Variants in ACSS2 observed in about 807,000 individuals in gnomAD.
ACSS2 encodes the protein acetyl-coenzyme A synthetase, cytoplasmic.
In ACSS2, 58 loss-of-function variants were observed where a neutral mutation model predicts 90.6. The observed-to-expected ratio is 0.64, with a 90% CI of 0.52 to 0.80. The LOEUF is 0.80. ACSS2 is among the 30% of genes least tolerant of loss of function. The probability of loss-of-function intolerance (pLI) is 0.00; values close to 1 mark genes in which losing one functional copy is unlikely to be tolerated. For synonymous variants in ACSS2, 300 were observed against 330.9 expected (o/e 0.91, Z 1.01); for missense variants, 759 against 912.0 (o/e 0.83, Z 2.16).
chr20:34,913,909 C>G, intron 5 of ACSS2, 84 bp downstream of exon 5: 1 of 1,462,590 alleles, frequency 6.8e-7, no homozygotes, highest in Admixed American at 1.7e-5. Context: ...TTTGGGGCTA[C>G]TCAGCATAGA....
At chr20:34,883,055 G>A in intron 2 of ACSS2, 66 bp downstream of exon 2, 1 of 1,277,916 alleles carries the variant, frequency 7.8e-7, no homozygotes, top group Non-Finnish European at 1.1e-6. Context: ...CAACAACCCA[G>A]TAGAGTAAGC....
At chr20:34,909,939 A>T (rs2080909186) in intron 2 of ACSS2, among the ~76,000 whole-genome samples, 5 of 149,922 alleles carry the variant, frequency 3.3e-5, no homozygotes, top group Admixed American at 3.3e-4. Flanking sequence ...CTGGTCTCAA[A>T]CTCCTGACCC....
chr20:34,927,340 C>A lies in ACSS2; in HGVS notation c.*126C>A. ...CCTCCCTTGACCAGCTGTCTGGGACCGGAAACCAGCTTTGTCTCCAGGTAG... is the reference window on the plus strand; with the variant it reads ...CCTCCCTTGACCAGCTGTCTGGGACAGGAAACCAGCTTTGTCTCCAGGTAG... On this transcript the variant is annotated 3_prime_UTR_variant, in exon 18 of 18. Coordinates refer to ENST00000360596, the MANE Select transcript of ACSS2 (RefSeq NM_018677.4). This position sits in a 1 kb window ranked among gnomAD's most constrained non-coding sequence, Gnocchi z 4.2. 7.7e-7 allele frequency: 1 copy of A among 1,302,306 alleles called. No homozygotes were observed. The highest frequency in any genetic ancestry group is 1.1e-6 in the Non-Finnish European group (1 of 933,626). 80.7% of individuals were successfully genotyped at this position (1,302,306 alleles called of 1,614,324 possible).
At chr20:34,885,418 A>G (rs1035898362) in intron 2 of ACSS2, among the ~76,000 whole-genome samples, 4 of 152,088 alleles carry the variant, frequency 2.6e-5, no homozygotes, top group African/African-American at 9.7e-5. Context: ...TACCACCCTT[A>G]CCTGAACAGG....
At position 34,913,779 on chromosome 20, in the gene ACSS2, A is replaced by T. The variant is rs1177634730; in HGVS notation, c.597A>T (p.Leu199=). 1 of 1,614,046 alleles carries T rather than the reference A, an allele frequency of 6.2e-7. No homozygotes were observed. The highest frequency in any genetic ancestry group is 1.1e-5 in the South Asian group (1 of 91,076). ...IVFAGFSSES[L]CERILDSSCS... The stretch of plus-strand genomic sequence containing the variant: ...TTGCAGGCTTCTCTTCAGAGTCTCT[A>T]TGTGAACGGATCTTGGATTCCAGCT... The change falls in exon 5 of 18, where the codon CTA becomes CTT. Residue 199 remains leucine, a synonymous_variant. Transcript: ENST00000360596.
intron 2 of ACSS2, among the ~76,000 whole-genome samples, chr20:34,909,370 AAACAAC>A (rs965273475): frequency 1.3e-5 from 2 of 152,234 alleles, no homozygotes; most frequent in South Asian, 2.1e-4. Flanking sequence ...CCTGTCTCAA[AAACAAC>A]AACAACAACA....
At chr20:34,923,900 G>A (rs1002305399) in intron 14 of ACSS2, among the ~76,000 whole-genome samples, 1 of 149,438 alleles carries the variant, frequency 6.7e-6, no homozygotes, top group Non-Finnish European at 1.5e-5. Flanking sequence ...AGATTTGGAA[G>A]GGACAAACAT....
intron 14 of ACSS2, 31 bp from the exon 15 acceptor site, chr20:34,925,664 GTTT>G (rs754925630): frequency 2.5e-6 from 4 of 1,600,822 alleles, no homozygotes; most frequent in Non-Finnish European, 3.4e-6. Flanking sequence ...CTACCGTAGG[GTTT>G]TTATTTATTA....
chr20:34,915,899 G>A (rs540928292), intron 7 of ACSS2, among the ~76,000 whole-genome samples: 11 of 152,292 alleles, frequency 7.2e-5, no homozygotes, highest in African/African-American at 2.6e-4. Context: ...ATTTTTAGCT[G>A]TATGACCTTG....
chr20:34,876,374 T>C, upstream of ACSS2: 1 of 330,560 alleles, frequency 3.0e-6, no homozygotes, highest in Non-Finnish European at 5.4e-6. Context: ...CCTTCTGCTT[T>C]CACTCGACGG....
At chr20:34,912,476 C>A (rs751086334) in intron 2 of ACSS2, 1 of 160,608 alleles carries the variant, frequency 6.2e-6, no homozygotes, top group Non-Finnish European at 1.4e-5. Context: ...AGTAGAGACG[C>A]GGTTTCACCA....
At chr20:34,919,315 T>C (rs1600349795) in intron 7 of ACSS2, 120 bp from the exon 8 acceptor site, 1 of 1,465,722 alleles carries the variant, frequency 6.8e-7, no homozygotes. Context: ...TTGAAGGGCC[T>C]TCTCTCCCTT....
chr20:34,893,826 C>G (rs2080397029), intron 2 of ACSS2, among the ~76,000 whole-genome samples: 1 of 152,050 alleles, frequency 6.6e-6, no homozygotes, highest in African/African-American at 2.4e-5. Flanking sequence ...AAGGTCTGGT[C>G]TACTTATGGT....
rs1224266386 is a variant in ACSS2 at position 34,899,469 on chromosome 20, T to TCC, written c.375-13627_375-13626insCC. Among the ~76,000 whole-genome samples, 761 of 135,992 alleles carry TCC rather than the reference T, an allele frequency of 5.6e-3. 20 individuals carry two copies. In the East Asian group the frequency reaches 0.067, roughly 12 times the overall value. 89.2% of individuals were successfully genotyped at this position (135,992 alleles called of 152,430 possible). ...TTCCTTCCTTCCTTCCTTCCTTCCT[T>TCC]TCTTTTTCTTTCTTTTCTTTCTTTT... On this transcript the variant is annotated intron_variant, in intron 2 of 17. Transcript: ENST00000360596.
chr20:34,924,423 C>T (rs2081271666), intron 14 of ACSS2, among the ~76,000 whole-genome samples: 1 of 152,202 alleles, frequency 6.6e-6, no homozygotes, highest in Admixed American at 6.5e-5. Flanking sequence ...TCGGAGAAGA[C>T]TTCTCTGAAT....
chr20:34,918,581 C>G (rs1040482191), intron 7 of ACSS2, among the ~76,000 whole-genome samples: 2 of 152,162 alleles, frequency 1.3e-5, no homozygotes, highest in African/African-American at 4.8e-5. Flanking sequence ...TGGAACCTGT[C>G]CCCTCAAGCA....
Position 34,923,318 on chromosome 20 carries a change from C to T in ACSS2, c.1549-5C>T. 1.2e-6 allele frequency: 2 copies of T among 1,608,674 alleles called. No individual in the cohort carries two copies. The highest frequency in any genetic ancestry group is 8.5e-7 in the Non-Finnish European group (1 of 1,175,076). Reference sequence around the variant, plus strand: ...TGTGATCACTGTCCCTTCCTCACTCCCCAGGTGTTCAAGCAGCCCTGGCCA... The same window carrying T: ...TGTGATCACTGTCCCTTCCTCACTCTCCAGGTGTTCAAGCAGCCCTGGCCA... On this transcript the variant is annotated splice_polypyrimidine_tract_variant and splice_region_variant and intron_variant, in intron 13 of 17. Transcript: ENST00000360596.
upstream of ACSS2, chr20:34,876,423 T>C (rs925267757): frequency 2.9e-5 from 12 of 416,472 alleles, no homozygotes; most frequent in Non-Finnish European, 4.4e-5. Context: ...CCCCTATCCC[T>C]CGACTTTTCC....
chr20:34,887,139 C>G (rs555361371), intron 2 of ACSS2, among the ~76,000 whole-genome samples: 14 of 152,210 alleles, frequency 9.2e-5, no homozygotes, highest in Admixed American at 8.5e-4. Context: ...TAGGCCAACT[C>G]TCTTCAAAGA....
Sources: allele counts gnomAD v4.1 joint callset (sites outside exome capture counted in the v4.1 genomes callset), GRCh38; gene constraint gnomAD v4.1.1; non-coding constraint Gnocchi (gnomAD v3.1); transcripts MANE v1.5; gene names NCBI Gene and HGNC (gene_info 2026-07-23, HGNC 2026-07-21).